FAM240C: variants seen among roughly 807,000 people sequenced by gnomAD.
FAM240C encodes family with sequence similarity 240 member C.
Under a neutral mutation model 10.0 loss-of-function variants are expected in FAM240C, and 14 were observed. That is an observed-to-expected ratio of 1.40 (90% CI 0.92 to 2.19). FAM240C has a LOEUF of 2.19. Ranked by LOEUF, FAM240C falls within the 30% of genes most tolerant of loss-of-function variation. The pLI, the probability that FAM240C is intolerant of heterozygous loss-of-function variation, is 0.00. For missense variants in FAM240C, 154 were observed against 122.3 expected (o/e 1.26, Z -1.22); for synonymous variants, 49 against 44.3 (o/e 1.11, Z -0.42).
Position 241,899,803 on chromosome 2 carries a change from C to G in FAM240C, c.12+555G>C, listed in dbSNP as rs1575422181. 2.6e-5 allele frequency among the ~76,000 whole-genome samples: 4 copies of G among 152,290 alleles called. 1 individual carries two copies. Among genetic ancestry groups the G allele is most frequent in the Admixed American group, 6.5e-5 (1 of 15,300 alleles). ...AGACACGCGGCCGGGCGCGGTGGCT[C>G]AGGCCTGGAATCCCAGCACTGTGGG... On this transcript the variant is annotated intron_variant, in intron 1 of 2. Transcript: ENST00000404031.
intron 1 of FAM240C, chr2:241,899,351 C>T (rs1004350796): frequency 6.1e-6 from 6 of 985,228 alleles, no homozygotes; most frequent in Non-Finnish European, 7.2e-6. Context: ...CCCTTTGTTC[C>T]AGAAACTTAG....
intron 2 of FAM240C, 64 bp downstream of exon 2, chr2:241,897,122 G>C: frequency 6.6e-7 from 1 of 1,519,484 alleles, no homozygotes; most frequent in Non-Finnish European, 8.9e-7. Flanking sequence ...GCGGGGCTGT[G>C]CCCCTGGGTG....
chr2:241,900,400 T>C lies in FAM240C; in HGVS notation c.-31A>G, dbSNP rs371279204. 12 of 717,090 alleles carry C rather than the reference T, an allele frequency of 1.7e-5. No individual in the cohort carries two copies. Among genetic ancestry groups the C allele is most frequent in the Middle Eastern group, 2.3e-4 (1 of 4,346 alleles). 44.4% of individuals were successfully genotyped at this position (717,090 alleles called of 1,614,324 possible). ...AGTGACGGGCAGGTTTTCCTGTCTC[T>C]GTTGAGGGTCCTCAGCCTGTCCTCT... On this transcript the variant is annotated 5_prime_UTR_variant, in exon 1 of 3. Coordinates refer to ENST00000404031, the MANE Select transcript of FAM240C (RefSeq NM_001382368.1). This position sits in a 1 kb window ranked among gnomAD's most constrained non-coding sequence, Gnocchi z 4.5.
intron 1 of FAM240C, among the ~76,000 whole-genome samples, chr2:241,898,541 G>A (rs1001256909): frequency 4.1e-5 from 6 of 146,284 alleles, no homozygotes; most frequent in East Asian, 2.2e-4. Flanking sequence ...GACAGACTCC[G>A]TCTCAAACAA....
At chr2:241,897,366 C>A in intron 1 of FAM240C, 32 bp from the exon 2 acceptor site, 1 of 1,542,930 alleles carries the variant, frequency 6.5e-7, no homozygotes, top group South Asian at 1.2e-5. Flanking sequence ...AGAGCTCAGT[C>A]ACCTTATGCC....
chr2:241,899,241 C>G (rs776425154), intron 1 of FAM240C: 3 of 1,302,348 alleles, frequency 2.3e-6, no homozygotes, highest in Non-Finnish European at 3.0e-6. Context: ...TGCAGAGGCG[C>G]GGGCGCTGTG....
intron 2 of FAM240C, among the ~76,000 whole-genome samples, chr2:241,895,092 C>T (rs759445465): frequency 2.0e-5 from 3 of 152,254 alleles, no homozygotes; most frequent in Non-Finnish European, 2.9e-5. Context: ...TCCATGAGGA[C>T]ACTTGTCACA....
chr2:241,896,814 TGGGTGTG>T (rs1701848754), intron 2 of FAM240C, among the ~76,000 whole-genome samples: 7 of 9,720 alleles, frequency 7.2e-4, no homozygotes, highest in African/African-American at 2.7e-3. Flanking sequence ...TGTGGGTGTG[TGGGTGTG>T]GGGGTGTGGG....
chr2:241,896,770 T>G (rs868701118), intron 2 of FAM240C, among the ~76,000 whole-genome samples: 5 of 18,934 alleles, frequency 2.6e-4, no homozygotes, highest in African/African-American at 8.2e-4. Flanking sequence ...GTGTGGGTGT[T>G]GGGGTGTGGG....
chr2:241,901,141 C>T (rs547612519), upstream of FAM240C, among the ~76,000 whole-genome samples: 2 of 152,298 alleles, frequency 1.3e-5, no homozygotes, highest in African/African-American at 2.4e-5. This position sits in a 1 kb window ranked among gnomAD's most constrained non-coding sequence, Gnocchi z 4.9. Flanking sequence ...GCCCAGCACA[C>T]GGGGGTCACC....
intron 1 of FAM240C, among the ~76,000 whole-genome samples, chr2:241,898,410 G>C (rs1701903150): frequency 6.6e-6 from 1 of 152,112 alleles, no homozygotes; most frequent in Non-Finnish European, 1.5e-5. Flanking sequence ...AAATTAGCCG[G>C]GATTGGTGGT....
rs1446062616 is a variant in FAM240C, at chr2:241,900,407, G to T, written c.-38C>A. On this transcript the variant is annotated 5_prime_UTR_variant, in exon 1 of 3. Coordinates refer to ENST00000404031, the MANE Select transcript of FAM240C (RefSeq NM_001382368.1). The surrounding 1 kb of genome is among the most constrained non-coding windows in gnomAD (Gnocchi z 4.5). ...GGCAGGTTTTCCTGTCTCTGTTGAG[G>T]GTCCTCAGCCTGTCCTCTCCGGGGT... 1.4e-6 allele frequency: 1 copy of T among 717,010 alleles called. No individual in the cohort carries two copies. The highest frequency in any genetic ancestry group is 2.6e-6 in the Non-Finnish European group (1 of 385,022). The allele number at this position is 717,010 out of a possible 1,614,324, so 44.4% of individuals were successfully genotyped here.
intron 2 of FAM240C, among the ~76,000 whole-genome samples, chr2:241,895,963 T>TAG (rs554941726): frequency 6.7e-6 from 1 of 148,880 alleles, no homozygotes; most frequent in African/African-American, 2.5e-5. Flanking sequence ...CACTCGGTGG[T>TAG]GGGGGGGGGC....
chr2:241,894,981 C>T (rs939637469), intron 2 of FAM240C, among the ~76,000 whole-genome samples: 11 of 152,342 alleles, frequency 7.2e-5, no homozygotes, highest in African/African-American at 2.6e-4. Flanking sequence ...GGGCAGATCC[C>T]CACCTGCCCG....
intron 2 of FAM240C, 82 bp downstream of exon 2, chr2:241,897,104 C>T (rs1344143947): frequency 6.1e-6 from 9 of 1,464,702 alleles, no homozygotes; most frequent in African/African-American, 1.4e-5. Context: ...TGTCAGGGCA[C>T]ACTGCTGGCG....
upstream of FAM240C, chr2:241,902,584 C>G (rs1272556006): frequency 6.6e-6 from 1 of 152,646 alleles, no homozygotes; most frequent in Non-Finnish European, 1.5e-5. The surrounding 1 kb of genome is among the most constrained non-coding windows in gnomAD (Gnocchi z 7.1). Flanking sequence ...TCACCCAGCT[C>G]TGTCCTTCGT....
At chr2:241,902,434 G>T (rs1170494950), upstream of FAM240C, 1 of 149,010 alleles carries the variant, frequency 6.7e-6, no homozygotes, top group East Asian at 2.0e-4. The surrounding 1 kb of genome is among the most constrained non-coding windows in gnomAD (Gnocchi z 7.1). Context: ...CCTCCCCTCC[G>T]CCTGCCAGCC....
rs539185702 is a variant in FAM240C at position 241,897,198 on chromosome 2, C to G, written c.149G>C (p.Ser50Thr). The change falls in exon 2 of 3, where the codon AGC becomes ACC. Residue 50 changes from serine to threonine, a missense_variant. Coordinates refer to ENST00000404031, the MANE Select transcript of FAM240C (RefSeq NM_001382368.1). ...CACCCCGACTCACTTGTTCAGAGCG[C>G]TTCTGCGAACCCTGATGTCCTCGTT... ...LQNEDIRVRR[S>T]ALNKLRVGWA... The G allele has an allele frequency of 2.2e-5, 34 of 1,549,828 alleles. No individual in the cohort carries two copies. Among genetic ancestry groups the G allele is most frequent in the South Asian group, 1.9e-4 (16 of 84,064 alleles).
chr2:241,900,550 A>G, upstream of FAM240C: 1 of 600,360 alleles, frequency 1.7e-6, no homozygotes, highest in Non-Finnish European at 3.0e-6. The surrounding 1 kb of genome is among the most constrained non-coding windows in gnomAD (Gnocchi z 4.5). Flanking sequence ...TCCCTGGCAG[A>G]GCTGTCCGTC....
Sources: allele counts gnomAD v4.1 joint callset (sites outside exome capture counted in the v4.1 genomes callset), GRCh38; gene constraint gnomAD v4.1.1; non-coding constraint Gnocchi (gnomAD v3.1); transcripts MANE v1.5; gene names NCBI Gene and HGNC (gene_info 2026-07-23, HGNC 2026-07-21).